THOC2: variants seen among roughly 807,000 people sequenced by gnomAD.
The protein encoded by THOC2 is THO complex subunit 2, also known as THO complex 2.
In THOC2, 10 loss-of-function variants were observed where a neutral mutation model predicts 128.4. The observed-to-expected ratio is 0.08, with a 90% CI of 0.05 to 0.13. The LOEUF is 0.13. THOC2 is among the 10% of genes least tolerant of loss of function. THOC2 has a pLI of 1.00. For synonymous variants in THOC2, 393 were observed against 396.9 expected, an observed-to-expected ratio of 0.99 and a Z score of 0.12; for missense variants, 535 against 1,155.7, an observed-to-expected ratio of 0.46 and a Z score of 7.79.
rs765557396 is a variant in THOC2, at chrX:123,689,507, A to G, written c.602-2793T>C. Among the ~76,000 whole-genome samples, 3 of 111,419 alleles carry G rather than the reference A, an allele frequency of 2.7e-5. No individual in the cohort carries two copies. The South Asian group carries it at 1.1e-3, about 43-fold the overall frequency. ...AGTGGTGCATTCATAGCTCACTGCA[A>G]CCTCACACTCCTGGGCTCAAGTGAT... is the stretch of plus-strand genomic sequence containing the variant. On this transcript the variant is annotated intron_variant, in intron 7 of 38. Transcript: ENST00000245838.
At chrX:123,726,512 C>CAAA (rs567231605) in intron 1 of THOC2, among the ~76,000 whole-genome samples, 10 of 52,605 alleles carry the variant, frequency 1.9e-4, no homozygotes, top group Non-Finnish European at 1.1e-4. Flanking sequence ...GACCCTGTCT[C>CAAA]AAAAAAAAAA....
At chrX:123,639,430 C>A (rs190620238) in intron 16 of THOC2, among the ~76,000 whole-genome samples, 1 of 111,929 alleles carries the variant, frequency 8.9e-6, no homozygotes, top group Non-Finnish European at 1.9e-5. Context: ...TTTCTTTCAA[C>A]AGTGTTTTAT....
chrX:123,626,745 G>A, intron 23 of THOC2, 83 bp from the exon 24 acceptor site: 2 of 944,859 alleles, frequency 2.1e-6, no homozygotes, highest in Non-Finnish European at 2.9e-6. Context: ...AAGAGATAAA[G>A]GCTGATAGTT....
chrX:123,677,871 CAA>C (rs1179685021), intron 8 of THOC2, among the ~76,000 whole-genome samples: 37 of 29,373 alleles, frequency 1.3e-3, no homozygotes, highest in Admixed American at 2.1e-3. Flanking sequence ...AACTCCGTCG[CAA>C]AAAAAAAAAA....
chrX:123,679,112 C>T (rs765794485), intron 8 of THOC2, among the ~76,000 whole-genome samples: 1 of 111,207 alleles, frequency 9.0e-6, no homozygotes, highest in Admixed American at 9.6e-5. Flanking sequence ...GTTCTCTCTC[C>T]CATCTTAAAA....
At chrX:123,608,926 A>C in intron 38 of THOC2, among the ~76,000 whole-genome samples, 1 of 112,372 alleles carries the variant, frequency 8.9e-6, no homozygotes, top group Non-Finnish European at 1.9e-5. Context: ...TCTAACCCTG[A>C]CCAGTTTTGT....
chrX:123,619,588 T>TA (rs762519373), intron 32 of THOC2, 152 bp from the exon 33 acceptor site: 1,673 of 478,406 alleles, frequency 3.5e-3, no homozygotes, highest in Non-Finnish European at 3.8e-3. Context: ...ATATCAACAA[T>TA]AAAAAAAAAC....
At chrX:123,667,016 C>T in intron 11 of THOC2, 90 bp downstream of exon 11, 2 of 626,047 alleles carry the variant, frequency 3.2e-6, no homozygotes, top group South Asian at 7.0e-5. Context: ...AAAATATATG[C>T]TTGGTTTGAG....
chrX:123,675,184 A>G (rs1446593815), intron 8 of THOC2, among the ~76,000 whole-genome samples: 1 of 111,711 alleles, frequency 9.0e-6, no homozygotes, highest in Non-Finnish European at 1.9e-5. Flanking sequence ...TTGAACCTCT[A>G]CAGTGAATTT....
At chrX:123,645,965 T>C (rs1216589846) in intron 12 of THOC2, among the ~76,000 whole-genome samples, 9 of 101,638 alleles carry the variant, frequency 8.9e-5, no homozygotes, top group African/African-American at 2.5e-4. Context: ...AAAAAAAAAA[T>C]TGTGGCCAGT....
intron 7 of THOC2, 106 bp from the exon 8 acceptor site, chrX:123,686,820 A>T: frequency 1.4e-6 from 1 of 693,749 alleles, no homozygotes; most frequent in Admixed American, 3.4e-5. Context: ...AAATGTTTTT[A>T]AAAACAACTT....
intron 1 of THOC2, among the ~76,000 whole-genome samples, chrX:123,722,996 T>C (rs1419472558): frequency 1.8e-5 from 2 of 111,051 alleles, no homozygotes; most frequent in African/African-American, 6.6e-5. Context: ...CTGCCCAACA[T>C]GGTGAAACCC....
At chrX:123,719,703 G>A (rs1054567710) in intron 1 of THOC2, among the ~76,000 whole-genome samples, 11 of 110,026 alleles carry the variant, frequency 1.0e-4, no homozygotes, top group Admixed American at 4.9e-4. Flanking sequence ...TTGCAAGGCC[G>A]AGGCAGGAAG....
intron 12 of THOC2, among the ~76,000 whole-genome samples, chrX:123,665,225 T>C (rs1177291286): frequency 1.8e-5 from 2 of 111,986 alleles, no homozygotes; most frequent in East Asian, 5.6e-4. Flanking sequence ...AACATCTTAG[T>C]GCAAGGTATT....
intron 12 of THOC2, among the ~76,000 whole-genome samples, chrX:123,645,731 G>A (rs759469062): frequency 1.2e-4 from 13 of 112,750 alleles, no homozygotes; most frequent in Non-Finnish European, 2.1e-4. Flanking sequence ...GGAGGCCAAC[G>A]TGGGCAGATC....
chrX:123,665,857 A>G lies in THOC2; in HGVS notation c.1191-20T>C. On this transcript the variant is annotated intron_variant, in intron 11 of 38. Coordinates refer to ENST00000245838, the MANE Select transcript of THOC2 (RefSeq NM_001081550.2). ...CCAACTCTATTTTAAAAAGTAAAAT[A>G]AATAAATAAACAAATAAATAAGTAT... 2.1e-6 allele frequency: 2 copies of G among 931,759 alleles called. No individual in the cohort carries two copies. Among genetic ancestry groups the G allele is most frequent in the East Asian group, 3.5e-5 (1 of 28,758 alleles). The allele number at this position is 931,759 out of a possible 1,213,427, so 76.8% of individuals were successfully genotyped here. A position where few individuals can be genotyped will look rare whatever the true frequency, so the allele number is the denominator to read the frequency against.
chrX:123,622,262 G>A (rs745342998), intron 30 of THOC2, among the ~76,000 whole-genome samples: 1 of 109,987 alleles, frequency 9.1e-6, no homozygotes, highest in East Asian at 2.9e-4. Flanking sequence ...TTAGCCGGGA[G>A]TGGTGGCACA....
At chrX:123,614,897 A>T (rs1469837339) in intron 33 of THOC2, among the ~76,000 whole-genome samples, 1 of 111,570 alleles carries the variant, frequency 9.0e-6, no homozygotes, top group Non-Finnish European at 1.9e-5. Context: ...ATAATGAACC[A>T]ATATTCTCCT....
intron 33 of THOC2, among the ~76,000 whole-genome samples, chrX:123,618,902 C>A (rs2046987777): frequency 9.0e-6 from 1 of 111,168 alleles, no homozygotes; most frequent in African/African-American, 3.3e-5. Context: ...GCTGTAACTA[C>A]CAAAAAGGTA....
Sources: gnomAD v4.1 joint callset for allele counts (sites outside exome capture counted in the v4.1 genomes callset) on GRCh38, gnomAD v4.1.1 for gene constraint, MANE v1.5 for transcripts, NCBI Gene and HGNC (gene_info 2026-07-23, HGNC 2026-07-21) for gene names.